ZNF829: variants seen among roughly 807,000 people sequenced by gnomAD.
ZNF829 encodes zinc finger protein 829.
In ZNF829, 25 loss-of-function variants were observed where a neutral mutation model predicts 35.2. The observed-to-expected ratio is 0.71, with a 90% CI of 0.52 to 0.99. The LOEUF is 0.99. ZNF829 is among the 50% of genes least tolerant of loss of function. ZNF829 has a pLI of 0.00. For missense variants in ZNF829, 417 were observed against 515.3 expected (o/e 0.81, Z 1.85); for synonymous variants, 136 against 163.2 (o/e 0.83, Z 1.27).
intron 3 of ZNF829, 33 bp from the exon 4 acceptor site, chr19:36,908,492 G>A (rs1166165347): frequency 1.9e-6 from 3 of 1,567,282 alleles, no homozygotes; most frequent in Non-Finnish European, 2.6e-6. Context: ...ACAATGAAAG[G>A]AGAAAAGAAA....
At chr19:36,892,766 T>G in intron 5 of ZNF829, 1 of 468,032 alleles carries the variant, frequency 2.1e-6, no homozygotes, top group Non-Finnish European at 3.5e-6. Context: ...ATCCTCCATA[T>G]TATAGAGAGA....
chr19:36,902,976 T>C (rs764845947), intron 5 of ZNF829, among the ~76,000 whole-genome samples: 11 of 151,792 alleles, frequency 7.2e-5, no homozygotes, highest in Admixed American at 2.0e-4. Context: ...GCGGAGGTTG[T>C]AGTGAGCCGA....
At chr19:36,901,724 C>T in intron 5 of ZNF829, 3 of 454,006 alleles carry the variant, frequency 6.6e-6, no homozygotes, top group South Asian at 5.6e-5. Flanking sequence ...CAAGTCTTTC[C>T]AACTTGGATC....
intron 5 of ZNF829, among the ~76,000 whole-genome samples, chr19:36,896,440 G>A (rs1043290423): frequency 2.0e-5 from 3 of 152,024 alleles, no homozygotes; most frequent in East Asian, 3.9e-4. Flanking sequence ...CCAATATTGT[G>A]CCACTGCACT....
rs545028733 is a variant in ZNF829, at chr19:36,892,830, C to T, written c.320-359G>A. 5.2e-4 allele frequency: 487 copies of T among 942,184 alleles called. 3 individuals carry two copies. In the African/African-American group the frequency reaches 7.2e-3, roughly 14 times the overall value. The allele number at this position is 942,184 out of a possible 1,614,324, so 58.4% of individuals were successfully genotyped here. A position where few individuals can be genotyped will look rare whatever the true frequency, so the allele number is the denominator to read the frequency against. Reference sequence around the variant, plus strand: ...GCCCCCACCCCAGATCCCCCACAGGCGCTGCCTGAGACCCAGCTCTGTGTC... The same window carrying T: ...GCCCCCACCCCAGATCCCCCACAGGTGCTGCCTGAGACCCAGCTCTGTGTC... On this transcript the variant is annotated intron_variant, in intron 5 of 5. Transcript: ENST00000391711.
intron 5 of ZNF829, chr19:36,907,087 C>CAAAAAAAAAAA (rs1158970593): frequency 4.2e-4 from 10 of 23,724 alleles, no homozygotes; most frequent in African/African-American, 1.7e-3. Flanking sequence ...GACTCCATCT[C>CAAAAAAAAAAA]AAAAAAAAAA....
intron 5 of ZNF829, among the ~76,000 whole-genome samples, chr19:36,895,280 T>C (rs2073102148): frequency 6.6e-6 from 1 of 152,034 alleles, no homozygotes; most frequent in Non-Finnish European, 1.5e-5. Flanking sequence ...ACAACTAGGG[T>C]GGCCCGATCA....
At chr19:36,911,008 A>G (rs1271009542) in intron 3 of ZNF829, among the ~76,000 whole-genome samples, 1 of 152,196 alleles carries the variant, frequency 6.6e-6, no homozygotes, top group Non-Finnish European at 1.5e-5. Flanking sequence ...CGCCATCTCA[A>G]AACCAACAAA....
At chr19:36,904,026 C>A (rs1427469039) in intron 5 of ZNF829, among the ~76,000 whole-genome samples, 1 of 151,908 alleles carries the variant, frequency 6.6e-6, no homozygotes, top group African/African-American at 2.4e-5. Context: ...TATTATTAAG[C>A]AAAGATATGA....
chr19:36,902,630 G>C (rs541394661), intron 5 of ZNF829, among the ~76,000 whole-genome samples: 174 of 134,568 alleles, frequency 1.3e-3, no homozygotes, highest in African/African-American at 4.9e-3. Context: ...GGGCAACAGA[G>C]CCAGACTCTG....
intron 5 of ZNF829, among the ~76,000 whole-genome samples, chr19:36,894,571 T>C (rs1488007756): frequency 6.6e-6 from 1 of 151,914 alleles, no homozygotes; most frequent in African/African-American, 2.4e-5. Context: ...CAATTCATGA[T>C]CTGAATGAGA....
chr19:36,904,227 C>G (rs73626758), intron 5 of ZNF829, among the ~76,000 whole-genome samples: 1,988 of 152,176 alleles, frequency 0.013, 44 homozygotes, highest in African/African-American at 0.045. Context: ...AAAAAGACAT[C>G]AAGAAATACT....
intron 5 of ZNF829, among the ~76,000 whole-genome samples, chr19:36,897,994 C>A (rs1443328479): frequency 6.6e-6 from 1 of 152,152 alleles, no homozygotes; most frequent in Non-Finnish European, 1.5e-5. Context: ...CATGGTGAAA[C>A]CTTGTCTTGA....
chr19:36,893,668 G>T (rs761511454), intron 5 of ZNF829, among the ~76,000 whole-genome samples: 1 of 152,146 alleles, frequency 6.6e-6, no homozygotes, highest in Non-Finnish European at 1.5e-5. Flanking sequence ...ATGGCTTGAA[G>T]ACATCAAAAT....
rs887013791 is a variant in ZNF829 at position 36,888,136 on chromosome 19, A to G, written c.*3356T>C. 1 of 152,194 alleles carries G rather than the reference A, an allele frequency of 6.6e-6. No individual in the cohort carries two copies. Among genetic ancestry groups the G allele is most frequent in the Non-Finnish European group, 1.5e-5 (1 of 68,028 alleles). 9.4% of individuals were successfully genotyped at this position (152,194 alleles called of 1,614,324 possible). On this transcript the variant is annotated 3_prime_UTR_variant, in exon 6 of 6. Coordinates refer to ENST00000391711, the MANE Select transcript of ZNF829 (RefSeq NM_001037232.4). ...ATGACCAACAACGTGATGGTGAAAC[A>G]GAAGAGTTTATAGTAACATGAACAT...
chr19:36,901,794 A>G, intron 5 of ZNF829: 1 of 624,078 alleles, frequency 1.6e-6, no homozygotes, highest in Non-Finnish European at 3.0e-6. Context: ...TCTGCCATCC[A>G]CAAGGTGGTG....
chr19:36,901,991 A>G (rs926698304), intron 5 of ZNF829: 2 of 726,034 alleles, frequency 2.8e-6, no homozygotes, highest in African/African-American at 3.5e-5. Flanking sequence ...CCCATAACGA[A>G]TCCATGTGCG....
intron 5 of ZNF829, among the ~76,000 whole-genome samples, chr19:36,893,561 A>G (rs763014967): frequency 3.3e-5 from 5 of 152,202 alleles, no homozygotes; most frequent in African/African-American, 9.7e-5. Context: ...GATGAGGAAT[A>G]ACGTATATAA....
intron 5 of ZNF829, among the ~76,000 whole-genome samples, chr19:36,896,637 C>A (rs2073116537): frequency 6.6e-6 from 1 of 152,166 alleles, no homozygotes; most frequent in African/African-American, 2.4e-5. Flanking sequence ...CAGACACTAA[C>A]TGAACATTTT....
Sources: allele counts gnomAD v4.1 joint callset (sites outside exome capture counted in the v4.1 genomes callset), GRCh38; gene constraint gnomAD v4.1.1; transcripts MANE v1.5; gene names NCBI Gene and HGNC (gene_info 2026-07-23, HGNC 2026-07-21).